MOCS1: variants seen among roughly 807,000 people sequenced by gnomAD.
The protein encoded by MOCS1 is molybdenum cofactor synthesis 1.
MOCS1 carries 39 observed loss-of-function variants against 57.6 expected under a neutral mutation model. The ratio of observed to expected loss-of-function variants is 0.68; its 90% CI spans 0.52 to 0.88. The LOEUF (loss-of-function observed/expected upper bound fraction) is 0.88. MOCS1 is among the 40% of genes least tolerant of loss of function. The pLI is 0.00. For missense variants in MOCS1, 795 were observed against 831.1 expected, an observed-to-expected ratio of 0.96 and a Z score of 0.53; for synonymous variants, 334 against 335.7, an observed-to-expected ratio of 1.00 and a Z score of 0.05.
chr6:39,927,837 T>C (rs1768424238), intron 1 of MOCS1: 10 of 1,091,786 alleles, frequency 9.2e-6, no homozygotes, highest in Non-Finnish European at 1.2e-5. Context: ...AAGAGACTGC[T>C]GAAGGCCACA....
intron 3 of MOCS1, among the ~76,000 whole-genome samples, chr6:39,920,930 C>A (rs1333821223): frequency 6.7e-6 from 1 of 148,878 alleles, no homozygotes; most frequent in Non-Finnish European, 1.5e-5. Context: ...AGTGAGCTGT[C>A]GTGCCACTGC....
intron 4 of MOCS1, among the ~76,000 whole-genome samples, chr6:39,914,469 G>A (rs1767540166): frequency 6.6e-6 from 1 of 152,222 alleles, no homozygotes; most frequent in Non-Finnish European, 1.5e-5. Flanking sequence ...CACAGGTGCT[G>A]TTCCAGGGCT....
chr6:39,912,199 C>T lies in MOCS1; in HGVS notation c.981+65G>A, dbSNP rs1462869767. ...CAGCCTCCTCTCCAATCAGGGAGCA[C>T]AGGTGGGAGGAGACATGAGAACACA... On this transcript the variant is annotated intron_variant, in intron 8 of 10. Coordinates refer to ENST00000340692, the MANE Select transcript of MOCS1 (RefSeq NM_001358530.2). The T allele has an allele frequency of 1.4e-5, 17 of 1,233,218 alleles. No homozygotes were observed. In the Admixed American group the frequency reaches 2.4e-4, roughly 17 times the overall value. The allele number at this position is 1,233,218 out of a possible 1,614,324, so 76.4% of individuals were successfully genotyped here.
Position 39,925,822 on chromosome 6 carries a change from C to T in MOCS1, c.274G>A (p.Gly92Arg). The change falls in exon 3 of 11, where the codon GGG (glycine) becomes AGG (arginine). Residue 92 changes from glycine to arginine, a missense_variant. By Grantham distance (125) the Gly-to-Arg change is moderately radical. Coordinates refer to ENST00000340692, the MANE Select transcript of MOCS1 (RefSeq NM_001358530.2). ...TTGGCTTTGGGGGTCAGCGGGACCC[C>T]CTCCTCGGGCATGCAGTACTGACCT... ...LRCQYCMPEE[G>R]VPLTPKANLL... 6.2e-7 allele frequency: 1 copy of T among 1,612,574 alleles called. No homozygotes were observed. The highest frequency in any genetic ancestry group is 8.5e-7 in the Non-Finnish European group (1 of 1,179,852).
At chr6:39,926,254 C>CTG (rs758505065) in intron 2 of MOCS1, among the ~76,000 whole-genome samples, 3 of 152,202 alleles carry the variant, frequency 2.0e-5, no homozygotes, top group Non-Finnish European at 4.4e-5. Flanking sequence ...AGCTTTCTCT[C>CTG]TGTGTGTCAT....
rs533403673 is a variant in MOCS1 at position 39,925,666 on chromosome 6, C to T, written c.418+12G>A. ...CGCTGGGAGAAGTGGCGATGACTTT[C>T]GTCCAACTCACCCACAATGTCCACC... On this transcript the variant is annotated intron_variant, in intron 3 of 10. Transcript: ENST00000340692. The T allele has an allele frequency of 3.7e-6, 6 of 1,612,812 alleles. No homozygotes were observed. The highest frequency in any genetic ancestry group is 4.5e-5 in the East Asian group (2 of 44,882).
rs1204993774 is a variant in MOCS1 at position 39,913,841 on chromosome 6, A to AG, written c.584-7dup. 6.2e-7 allele frequency: 1 copy of AG among 1,614,098 alleles called. No individual in the cohort carries two copies. On this transcript the variant is annotated splice_polypyrimidine_tract_variant and splice_region_variant and intron_variant, in intron 4 of 10. Coordinates refer to ENST00000340692, the MANE Select transcript of MOCS1 (RefSeq NM_001358530.2). ...CTCCATGACCTTGTGGAAGCCTGGG[A>AG]GGGAGAAACAAGGATCCAGGAACTT...
intron 1 of MOCS1, among the ~76,000 whole-genome samples, chr6:39,929,679 G>A (rs995331395): frequency 7.2e-5 from 11 of 152,100 alleles, no homozygotes; most frequent in South Asian, 2.1e-4. Flanking sequence ...GGTGGTTCAC[G>A]CCTGGAATCC....
intron 3 of MOCS1, among the ~76,000 whole-genome samples, chr6:39,921,402 A>C (rs201700195): frequency 0.33 from 49,871 of 151,580 alleles, 9,716 homozygotes; most frequent in Non-Finnish European, 0.45. Flanking sequence ...ACGTCTAAAA[A>C]AAAAAAAAAA....
In MOCS1 at chr6:39,913,063, G is replaced by A; in HGVS notation, c.758-59C>T. 23 of 1,429,154 alleles carry A rather than the reference G, an allele frequency of 1.6e-5. 1 individual carries two copies. Among genetic ancestry groups the A allele is most frequent in the East Asian group, 9.1e-5 (4 of 44,002 alleles). 88.5% of individuals were successfully genotyped at this position (1,429,154 alleles called of 1,614,324 possible). On this transcript the variant is annotated intron_variant, in intron 6 of 10. Transcript: ENST00000340692. ...TCTGAATCACAGTTGAAGGGGCCCC[G>A]GGGTCTTTGAGTCCATCCCCTGCCA... is the stretch of plus-strand genomic sequence containing the variant.
At position 39,906,815 on chromosome 6, in the gene MOCS1, CAT is replaced by C. The variant is rs1309176953; in HGVS notation, c.1451_1452del (p.His484ArgfsTer122). 1.2e-6 allele frequency: 2 copies of C among 1,614,218 alleles called. No homozygotes were observed. The highest frequency in any genetic ancestry group is 1.7e-6 in the Non-Finnish European group (2 of 1,180,038). On this transcript the variant is annotated frameshift_variant, in exon 11 of 11. Transcript: ENST00000340692. LOFTEE classifies it high-confidence loss of function. ...GPQLTSEQLT[H>X]VDSEGRAAMV... The stretch of plus-strand genomic sequence containing the variant: ...ATAGCTGCCCGTCCTTCCGAGTCCA[CAT>C]GAGTTAGTTGTTCTGAGGTTAGCTG...
At chr6:39,934,246 G>T in intron 1 of MOCS1, 49 bp downstream of exon 1, 1 of 1,493,854 alleles carries the variant, frequency 6.7e-7, no homozygotes, top group Non-Finnish European at 8.9e-7. Context: ...CAGTGTGCCG[G>T]GGCCACTCCT....
intron 4 of MOCS1, among the ~76,000 whole-genome samples, chr6:39,914,242 G>T (rs1176681117): frequency 6.6e-6 from 1 of 152,222 alleles, no homozygotes; most frequent in Non-Finnish European, 1.5e-5. Flanking sequence ...CAGGGGGCTA[G>T]ATGTGGCCTG....
chr6:39,913,535 T>A (rs1022649353), intron 5 of MOCS1, 107 bp from the exon 6 acceptor site: 6 of 1,029,358 alleles, frequency 5.8e-6, no homozygotes, highest in Non-Finnish European at 9.0e-6. Flanking sequence ...CAGGGACCCA[T>A]TCCTTGCTTC....
chr6:39,915,368 T>C (rs1246941707), intron 4 of MOCS1, among the ~76,000 whole-genome samples: 2 of 151,998 alleles, frequency 1.3e-5, no homozygotes, highest in African/African-American at 4.8e-5. Flanking sequence ...GAGATCTGGG[T>C]CTCCCTGCCA....
chr6:39,906,578 C>A lies in MOCS1; in HGVS notation c.1690G>T (p.Val564Leu), dbSNP rs1210866990. The A allele has an allele frequency of 6.2e-7, 1 of 1,613,876 alleles. No homozygotes were observed. The highest frequency in any genetic ancestry group is 2.2e-5 in the East Asian group (1 of 44,884). The change falls in exon 11 of 11, where the codon GTG (valine) becomes TTG (leucine). Residue 564 changes from valine to leucine, a missense_variant. By Grantham distance (32) the Val-to-Leu change is conservative. This residue lies in a region of MOCS1 where 374 missense variants were observed against 422.6 expected (regional missense o/e 0.89). Transcript: ENST00000340692. ...CHHVALSHIQ[V>L]QLELDSTRHA... is the part of the protein sequence containing the mutation. ...CGTGTGCTGTCCAGCTCCAGCTGCA[C>A]CTGGATGTGGCTCAGGGCCACGTGG...
chr6:39,925,646 G>C (rs1360577548), intron 3 of MOCS1, 32 bp downstream of exon 3: 1 of 1,612,548 alleles, frequency 6.2e-7, no homozygotes, highest in African/African-American at 1.3e-5. Flanking sequence ...GGCAGCGCTG[G>C]GAGAAGTGGC....
chr6:39,917,904 T>C (rs556540970), intron 3 of MOCS1, among the ~76,000 whole-genome samples: 1 of 152,280 alleles, frequency 6.6e-6, no homozygotes, highest in East Asian at 1.9e-4. Context: ...AGCAAAGGCA[T>C]TCTTGAAGAG....
chr6:39,922,385 A>C (rs531373983), intron 3 of MOCS1, among the ~76,000 whole-genome samples: 3 of 152,266 alleles, frequency 2.0e-5, no homozygotes, highest in East Asian at 1.9e-4. Context: ...CAAATTTGTA[A>C]ATTTTCTAAA....
Sources: gnomAD v4.1 joint callset for allele counts (sites outside exome capture counted in the v4.1 genomes callset) on GRCh38, gnomAD v4.1.1 for gene constraint, gnomAD v4.1.1 regional missense constraint, MANE v1.5 for transcripts, NCBI Gene and HGNC (gene_info 2026-07-23, HGNC 2026-07-21) for gene names.